Variants in CLEC16A observed in about 807,000 individuals in gnomAD.
The protein encoded by CLEC16A is C-type lectin domain containing 16A.
A neutral mutation model predicts 109.5 loss-of-function variants in CLEC16A; 51 were observed. The ratio of observed to expected loss-of-function variants is 0.47; its 90% CI spans 0.37 to 0.59. The LOEUF is 0.59. Among genes scored for constraint, CLEC16A ranks in the 20% least tolerant of loss-of-function variants. The probability of loss-of-function intolerance (pLI) is 0.00; values close to 1 mark genes in which losing one functional copy is unlikely to be tolerated. For synonymous variants in CLEC16A, 673 were observed against 564.2 expected, an observed-to-expected ratio of 1.19 and a Z score of -2.73; for missense variants, 1,339 against 1,394.0, an observed-to-expected ratio of 0.96 and a Z score of 0.63.
intron 13 of CLEC16A, among the ~76,000 whole-genome samples, chr16:11,033,397 G>A (rs951675074): frequency 1.3e-5 from 2 of 152,190 alleles, no homozygotes; most frequent in African/African-American, 4.8e-5. Flanking sequence ...ATGGGCCTTG[G>A]AGTAGGTTTG....
chr16:11,057,938 C>G (rs999795642), intron 18 of CLEC16A, among the ~76,000 whole-genome samples: 1 of 152,216 alleles, frequency 6.6e-6, no homozygotes, highest in African/African-American at 2.4e-5. Flanking sequence ...GAGACAACCC[C>G]GTACAGCTGG....
intron 1 of CLEC16A, among the ~76,000 whole-genome samples, chr16:10,953,311 G>C (rs2041825935): frequency 1.3e-5 from 2 of 152,252 alleles, no homozygotes; most frequent in South Asian, 4.1e-4. Flanking sequence ...GCTGGGTCAA[G>C]TAGATTTCCA....
chr16:11,069,192 A>G (rs1164979803), intron 19 of CLEC16A, among the ~76,000 whole-genome samples: 2 of 151,954 alleles, frequency 1.3e-5, no homozygotes, highest in Non-Finnish European at 2.9e-5. Context: ...CAGTGGTATA[A>G]TCACGGCTCA....
Position 10,985,482 on chromosome 16 carries a change from C to G in CLEC16A, c.1071+2491C>G, listed in dbSNP as rs2043588459. 4.6e-5 allele frequency among the ~76,000 whole-genome samples: 7 copies of G among 151,672 alleles called. No homozygotes were observed. The South Asian group carries it at 1.5e-3, about 31-fold the overall frequency. On this transcript the variant is annotated intron_variant, in intron 10 of 23. Transcript: ENST00000409790. ...TGTTTACCGTGAAACCTGCCCACTG[C>G]TAACTGGGACTACATTGATGTTAAT...
intron 3 of CLEC16A, among the ~76,000 whole-genome samples, chr16:10,963,602 T>A (rs1257268910): frequency 6.6e-6 from 1 of 152,166 alleles, no homozygotes; most frequent in Non-Finnish European, 1.5e-5. Context: ...CTTCAGTCCC[T>A]CCACCCAGCT....
intron 10 of CLEC16A, among the ~76,000 whole-genome samples, chr16:10,986,051 G>T (rs1416460189): frequency 3.0e-4 from 10 of 33,806 alleles, no homozygotes; most frequent in African/African-American, 1.9e-4. Flanking sequence ...TTTTTTTTGA[G>T]ACTGAGTCTC....
intron 23 of CLEC16A, among the ~76,000 whole-genome samples, chr16:11,171,686 A>G (rs2068518311): frequency 6.6e-6 from 1 of 152,232 alleles, no homozygotes; most frequent in Admixed American, 6.5e-5. Context: ...AAAAGACCCA[A>G]TTTTAGAACC....
intron 18 of CLEC16A, among the ~76,000 whole-genome samples, chr16:11,052,296 C>T (rs2047989831): frequency 6.6e-6 from 1 of 152,192 alleles, no homozygotes; most frequent in African/African-American, 2.4e-5. Context: ...AAATCATTCA[C>T]TGGAGACATG....
At chr16:10,999,258 A>C (rs1045295146) in intron 10 of CLEC16A, among the ~76,000 whole-genome samples, 1 of 152,132 alleles carries the variant, frequency 6.6e-6, no homozygotes, top group Non-Finnish European at 1.5e-5. Flanking sequence ...TAAAGTTAAT[A>C]TATGTTCATG....
rs1291576298 is a variant in CLEC16A at position 11,172,874 on chromosome 16, G to C, written c.2807-5461G>C. Among the ~76,000 whole-genome samples, 3 of 152,210 alleles carry C rather than the reference G, an allele frequency of 2.0e-5. 1 individual carries two copies. The highest frequency in any genetic ancestry group is 2.9e-5 in the Non-Finnish European group (2 of 68,034). ...ACTGTACTCCAGCCTGGGCAACAGA[G>C]CGGGACTCTGTCTCAAAACAAACAA... On this transcript the variant is annotated intron_variant, in intron 23 of 23. Transcript: ENST00000409790.
intron 22 of CLEC16A, among the ~76,000 whole-genome samples, chr16:11,164,196 C>G (rs564509188): frequency 5.3e-5 from 8 of 152,206 alleles, no homozygotes; most frequent in Non-Finnish European, 8.8e-5. Context: ...GCAGGAAATA[C>G]CCTCCACGCA....
intron 19 of CLEC16A, among the ~76,000 whole-genome samples, chr16:11,067,124 T>C (rs1406777474): frequency 1.3e-5 from 2 of 151,010 alleles, no homozygotes; most frequent in Admixed American, 6.6e-5. Flanking sequence ...TACTGTGCTT[T>C]AATGGGGAGT....
chr16:11,047,285 T>A lies in CLEC16A; in HGVS notation c.1816-7T>A, dbSNP rs1347952241. 6.2e-7 allele frequency: 1 copy of A among 1,607,104 alleles called. No homozygotes were observed. Among genetic ancestry groups the A allele is most frequent in the Non-Finnish European group, 8.5e-7 (1 of 1,175,996 alleles). On this transcript the variant is annotated splice_region_variant and splice_polypyrimidine_tract_variant and intron_variant, in intron 16 of 23. Coordinates refer to ENST00000409790, the MANE Select transcript of CLEC16A (RefSeq NM_015226.3). ...ATCTCCTCTTCCCTCCCTTCCTTTC[T>A]TTTTAGGGAGAAGACATTTTTTTGG...
At chr16:11,104,937 C>T (rs1345477422) in intron 19 of CLEC16A, among the ~76,000 whole-genome samples, 1 of 152,306 alleles carries the variant, frequency 6.6e-6, no homozygotes, top group East Asian at 1.9e-4. Context: ...TACCCTTGTT[C>T]CTGGGCTGCT....
At chr16:11,069,580 G>A (rs539498716) in intron 19 of CLEC16A, among the ~76,000 whole-genome samples, 1 of 150,228 alleles carries the variant, frequency 6.7e-6, no homozygotes, top group Non-Finnish European at 1.5e-5. Flanking sequence ...TGAGATCACA[G>A]TTTCGTGCCA....
chr16:10,973,180 C>G, intron 7 of CLEC16A, 119 bp downstream of exon 7: 1 of 1,164,304 alleles, frequency 8.6e-7, no homozygotes. Context: ...GTAGGCAGAG[C>G]ATGGACTTCC....
rs768462713 is a variant in CLEC16A at position 11,060,936 on chromosome 16, C to T, written c.2030C>T (p.Ser677Leu). ...GTGTTCTTCATGCTGCGTTCCCTGT[C>T]ACTGCAATTGCGAGGGGAGCCTGAG... Reference protein sequence around the residue: ...IRVFFMLRSLSLQLRGEPETQ... With the variant: ...IRVFFMLRSLLLQLRGEPETQ... Residue 677 changes from serine (S) to leucine (L), a missense_variant, in exon 19 of 24, where the codon TCA becomes TTA. By Grantham distance (145) the Ser-to-Leu change is moderately radical. This residue lies in a region of CLEC16A where 1,061 missense variants were observed against 1,006.8 expected (regional missense o/e 1.05). Coordinates refer to ENST00000409790, the MANE Select transcript of CLEC16A (RefSeq NM_015226.3). The T allele has an allele frequency of 6.2e-6, 10 of 1,612,498 alleles. No individual in the cohort carries two copies. In the Admixed American group the frequency reaches 8.3e-5, roughly 13 times the overall value.
chr16:11,130,791 T>A (rs1395309040), intron 22 of CLEC16A, among the ~76,000 whole-genome samples: 1 of 152,254 alleles, frequency 6.6e-6, no homozygotes, highest in East Asian at 1.9e-4. Flanking sequence ...CAACTCTGGC[T>A]GCTGCCTCGG....
chr16:11,100,459 T>C (rs983604480), intron 19 of CLEC16A, among the ~76,000 whole-genome samples: 1 of 152,226 alleles, frequency 6.6e-6, no homozygotes, highest in Non-Finnish European at 1.5e-5. Context: ...CAGCCAAATG[T>C]GGTTTACCCT....
Sources: gnomAD v4.1 joint callset for allele counts (sites outside exome capture counted in the v4.1 genomes callset) on GRCh38, gnomAD v4.1.1 for gene constraint, gnomAD v4.1.1 regional missense constraint, MANE v1.5 for transcripts, NCBI Gene and HGNC (gene_info 2026-07-23, HGNC 2026-07-21) for gene names.